Variants in DYSF observed in about 807,000 individuals in gnomAD.
DYSF encodes dystrophy-associated fer-1-like 1.
Under a neutral mutation model 274.9 loss-of-function variants are expected in DYSF, and 212 were observed. That is an observed-to-expected ratio of 0.77 (90% CI 0.69 to 0.86). The LOEUF is 0.86. DYSF is among the 40% of genes least tolerant of loss of function. DYSF has a pLI of 0.00. For synonymous variants in DYSF, 1,091 were observed against 1,078.7 expected (o/e 1.01, Z -0.22); for missense variants, 2,666 against 2,783.2 (o/e 0.96, Z 0.95).
At chr2:71,570,185 T>C (rs2092336679) in intron 27 of DYSF, 44 bp from the exon 28 acceptor site, 2 of 1,555,178 alleles carry the variant, frequency 1.3e-6, no homozygotes, top group South Asian at 1.1e-5. Flanking sequence ...TGCTCACATC[T>C]GTCTGTCTCC....
chr2:71,613,389 G>A lies in DYSF; in HGVS notation c.4443G>A (p.Lys1481=), dbSNP rs2152878085. 6.2e-7 allele frequency: 1 copy of A among 1,613,414 alleles called. No individual in the cohort carries two copies. Among genetic ancestry groups the A allele is most frequent in the Non-Finnish European group, 8.5e-7 (1 of 1,179,754 alleles). The part of the protein sequence containing the change: ...GEDVLIDIDD[K]EPLIPIQLAD... ...ACGTGCTCATCGACATTGATGACAA[G>A]GAGCCCCTCATCCCCATCCAGGTAG... The change falls in exon 40 of 56, where the codon AAG becomes AAA. Residue 1481 remains lysine, a synonymous_variant. Transcript: ENST00000410020.
intron 36 of DYSF, among the ~76,000 whole-genome samples, chr2:71,604,036 G>A (rs778508118): frequency 6.6e-6 from 1 of 152,136 alleles, no homozygotes; most frequent in Non-Finnish European, 1.5e-5. Flanking sequence ...GGCTGAGGGT[G>A]GGTGTGGGTC....
Position 71,454,530 on chromosome 2 carries a change from G to GCT in DYSF, c.88+452_88+453dup, listed in dbSNP as rs765961623. Among the ~76,000 whole-genome samples the GCT allele has an allele frequency of 5.9e-5, 9 of 152,178 alleles. No homozygotes were observed. In the East Asian group the frequency reaches 1.5e-3, roughly 26 times the overall value. Reference sequence around the variant, plus strand: ...CGCCTGGCTGCTTTCCTGGCCCTTTGCTCTCTCTCAGAGGCTGGCCTGGCA... The same window carrying GCT: ...CGCCTGGCTGCTTTCCTGGCCCTTTGCTCTCTCTCTCAGAGGCTGGCCTGGCA... On this transcript the variant is annotated intron_variant, in intron 1 of 54. Coordinates refer to the DYSF transcript ENST00000258104.
In DYSF at chr2:71,606,147, G is replaced by A. The variant is rs1477184566; in HGVS notation, c.3957+3342G>A. Among the ~76,000 whole-genome samples the A allele has an allele frequency of 2.6e-5, 4 of 152,172 alleles. No individual in the cohort carries two copies. The East Asian group carries it at 7.7e-4, about 29-fold the overall frequency. Reference sequence around the variant, plus strand: ...TGGGGGTGCCCCTTTCATGGCTCAGGGCCTTGGTTCTTCGTGGTAAACTGG... The same window carrying A: ...TGGGGGTGCCCCTTTCATGGCTCAGAGCCTTGGTTCTTCGTGGTAAACTGG... On this transcript the variant is annotated intron_variant, in intron 36 of 55. Coordinates refer to ENST00000410020, the MANE Select transcript of DYSF (RefSeq NM_001130987.2).
upstream of DYSF, among the ~76,000 whole-genome samples, chr2:71,463,586 C>T (rs1286012082): frequency 4.6e-5 from 7 of 152,378 alleles, no homozygotes; most frequent in Non-Finnish European, 1.5e-5. Context: ...TGGGCCGCTG[C>T]TGCCAGCAAC....
At chr2:71,473,642 C>T (rs960343355) in intron 1 of DYSF, among the ~76,000 whole-genome samples, 1 of 152,166 alleles carries the variant, frequency 6.6e-6, no homozygotes, top group Non-Finnish European at 1.5e-5. Flanking sequence ...TCCCATTCGC[C>T]AAGCCGATAC....
chr2:71,668,957 A>G, intron 49 of DYSF, 115 bp downstream of exon 49: 3 of 1,348,880 alleles, frequency 2.2e-6, no homozygotes, highest in South Asian at 2.5e-5. Flanking sequence ...TATTTGGGCC[A>G]TGGAATACAG....
At chr2:71,470,391 G>A (rs987482325) in intron 1 of DYSF, among the ~76,000 whole-genome samples, 5 of 152,238 alleles carry the variant, frequency 3.3e-5, no homozygotes, top group South Asian at 2.1e-4. Context: ...TGAAAACAGC[G>A]GCCAGGCGTG....
intron 41 of DYSF, among the ~76,000 whole-genome samples, chr2:71,636,523 G>A (rs897850099): frequency 2.0e-5 from 3 of 152,122 alleles, no homozygotes; most frequent in African/African-American, 7.2e-5. Flanking sequence ...GAAGGAGAGA[G>A]TTGCCATTTG....
chr2:71,497,329 A>T (rs1559006117), intron 3 of DYSF, among the ~76,000 whole-genome samples: 1 of 152,204 alleles, frequency 6.6e-6, no homozygotes, highest in Non-Finnish European at 1.5e-5. Flanking sequence ...CCCAAATCTC[A>T]TCTTGAGCTG....
chr2:71,472,988 G>A (rs1468683025), intron 1 of DYSF, among the ~76,000 whole-genome samples: 2 of 152,178 alleles, frequency 1.3e-5, no homozygotes, highest in African/African-American at 4.8e-5. Flanking sequence ...CAGGCCTTCT[G>A]AGTTTAAAGA....
intron 30 of DYSF, among the ~76,000 whole-genome samples, chr2:71,584,895 G>A (rs1224557127): frequency 6.6e-6 from 1 of 152,208 alleles, no homozygotes; most frequent in African/African-American, 2.4e-5. Flanking sequence ...CTGCATAAAG[G>A]CCCTGTGGCA....
rs1209019931 is a variant in DYSF at position 71,613,327 on chromosome 2, C to A, written c.4388-7C>A. ...CTCTCAGGCCTGGATGGCTCCCTCCCCTGCAGACGATGTGAGCCTACTCAG... is the reference window on the plus strand; with the variant it reads ...CTCTCAGGCCTGGATGGCTCCCTCCACTGCAGACGATGTGAGCCTACTCAG... On this transcript the variant is annotated splice_region_variant and splice_polypyrimidine_tract_variant and intron_variant, in intron 39 of 55. Coordinates refer to ENST00000410020, the MANE Select transcript of DYSF (RefSeq NM_001130987.2). 3.7e-6 allele frequency: 6 copies of A among 1,611,490 alleles called. No individual in the cohort carries two copies. Among genetic ancestry groups the A allele is most frequent in the Non-Finnish European group, 5.1e-6 (6 of 1,179,026 alleles).
intron 3 of DYSF, among the ~76,000 whole-genome samples, chr2:71,495,101 G>A (rs916822978): frequency 2.0e-5 from 3 of 152,106 alleles, no homozygotes; most frequent in African/African-American, 7.2e-5. Context: ...GGTGATAGGT[G>A]TATTAACTGA....
rs370498369 is a variant in DYSF at position 71,511,790 on chromosome 2, C to T, written c.346-17C>T. On this transcript the variant is annotated splice_polypyrimidine_tract_variant and intron_variant, in intron 4 of 55. Transcript: ENST00000410020. ...GGCCAGCGCACCAACCTGTCCCCCA[C>T]GTCTCATCTCTTCCAGGCCTCGCTG... The T allele has an allele frequency of 1.9e-4, 289 of 1,496,540 alleles. 2 individuals carry two copies. The African/African-American group carries it at 2.8e-3, about 15-fold the overall frequency. 92.7% of individuals were successfully genotyped at this position (1,496,540 alleles called of 1,614,324 possible).
intron 26 of DYSF, among the ~76,000 whole-genome samples, chr2:71,568,579 T>G (rs2092250004): frequency 6.6e-6 from 1 of 151,986 alleles, no homozygotes; most frequent in Non-Finnish European, 1.5e-5. Context: ...TTTTTTTTTT[T>G]GAGACAGAGT....
chr2:71,671,046 C>T (rs1053217388), intron 51 of DYSF, among the ~76,000 whole-genome samples: 3 of 152,316 alleles, frequency 2.0e-5, no homozygotes, highest in Admixed American at 6.5e-5. Context: ...CCAGTGCCTG[C>T]ATTTTCTTGA....
intron 12 of DYSF, 35 bp downstream of exon 12, chr2:71,520,939 C>G (rs765465900): frequency 1.9e-6 from 3 of 1,597,798 alleles, no homozygotes; most frequent in Non-Finnish European, 2.6e-6. Context: ...CTTACGGTCC[C>G]CCACGCGGCA....
At chr2:71,546,683 C>T (rs1478246821) in intron 17 of DYSF, among the ~76,000 whole-genome samples, 1 of 152,230 alleles carries the variant, frequency 6.6e-6, no homozygotes, top group Non-Finnish European at 1.5e-5. Flanking sequence ...ATAAATAGCA[C>T]TTGTATCCTA....
Sources: allele counts gnomAD v4.1 joint callset (sites outside exome capture counted in the v4.1 genomes callset), GRCh38; gene constraint gnomAD v4.1.1; transcripts MANE v1.5; gene names NCBI Gene and HGNC (gene_info 2026-07-23, HGNC 2026-07-21).